The following HOMER1 variants were observed in gnomAD, a reference collection of about 807,000 sequenced individuals.
The protein encoded by HOMER1 is homer scaffold protein 1.
HOMER1 carries 3 observed loss-of-function variants against 48.9 expected under a neutral mutation model. The ratio of observed to expected loss-of-function variants is 0.06; its 90% CI spans 0.03 to 0.16. HOMER1 has a LOEUF of 0.16. HOMER1 is among the 10% of genes least tolerant of loss of function. The pLI is 1.00. For missense variants in HOMER1, 247 were observed against 411.4 expected (o/e 0.60, Z 3.46); for synonymous variants, 134 against 146.4 (o/e 0.92, Z 0.61).
At chr5:79,485,271 G>A (rs1354697728) in intron 1 of HOMER1, among the ~76,000 whole-genome samples, 1 of 152,106 alleles carries the variant, frequency 6.6e-6, no homozygotes, top group African/African-American at 2.4e-5. Flanking sequence ...CCACGCACGG[G>A]GTGATAGAGG....
At chr5:79,378,336 G>C (rs1002697216) in intron 8 of HOMER1, among the ~76,000 whole-genome samples, 15 of 150,986 alleles carry the variant, frequency 9.9e-5, no homozygotes, top group African/African-American at 3.7e-4. Context: ...TGAGTTGCAA[G>C]AGCCTGGGAA....
Position 79,375,863 on chromosome 5 carries a change from T to C in HOMER1, c.*146A>G, listed in dbSNP as rs1012196835. ...TAAAATTTACAGTGAAATATACAAT[T>C]CCAATTTCAAAAGATCCTCCTCCTG... On this transcript the variant is annotated 3_prime_UTR_variant, in exon 9 of 9. Transcript: ENST00000334082. 3.4e-5 allele frequency: 16 copies of C among 470,128 alleles called. No homozygotes were observed. The highest frequency in any genetic ancestry group is 3.2e-4 in the African/African-American group (16 of 49,728). 29.1% of individuals were successfully genotyped at this position (470,128 alleles called of 1,614,324 possible).
chr5:79,441,987 A>G lies in HOMER1; in HGVS notation c.388-2838T>C, dbSNP rs1004074742. On this transcript the variant is annotated intron_variant, in intron 4 of 8. Transcript: ENST00000334082. ...TTTTGGGGTGTGTGTGTGTGTGTGT[A>G]TACCCAAAGCTGATAAGAAAAATGA... 2.7e-5 allele frequency among the ~76,000 whole-genome samples: 4 copies of G among 147,490 alleles called. No individual in the cohort carries two copies. In the South Asian group the frequency reaches 6.6e-4, roughly 24 times the overall value.
Position 79,374,372 on chromosome 5 carries a change from G to A in HOMER1, c.*1637C>T, listed in dbSNP as rs904037829. On this transcript the variant is annotated 3_prime_UTR_variant, in exon 9 of 9. Coordinates refer to ENST00000334082, the MANE Select transcript of HOMER1 (RefSeq NM_004272.5). ...AAACTCACTTAAGAAACTAACTTCA[G>A]AAACAAACCATTTATTTTTCACTCT... 2.0e-5 allele frequency: 3 copies of A among 152,198 alleles called. No homozygotes were observed. Among genetic ancestry groups the A allele is most frequent in the African/African-American group, 7.3e-5 (3 of 41,366 alleles). 9.4% of individuals were successfully genotyped at this position (152,198 alleles called of 1,614,324 possible).
chr5:79,455,389 A>G (rs563619037), intron 2 of HOMER1, among the ~76,000 whole-genome samples: 2 of 152,124 alleles, frequency 1.3e-5, no homozygotes, highest in South Asian at 4.1e-4. Context: ...AGTTTCCCCA[A>G]TGCTGTTCTT....
At chr5:79,384,210 T>G (rs1360636561) in intron 8 of HOMER1, among the ~76,000 whole-genome samples, 1 of 149,170 alleles carries the variant, frequency 6.7e-6, no homozygotes, top group African/African-American at 2.5e-5. Context: ...AAATAAAGGA[T>G]CAATGAAACA....
At chr5:79,498,163 G>A (rs1483086013) in intron 1 of HOMER1, among the ~76,000 whole-genome samples, 2 of 152,176 alleles carry the variant, frequency 1.3e-5, no homozygotes, top group Non-Finnish European at 2.9e-5. Flanking sequence ...CACTTTGGGA[G>A]GCTGAGGAGG....
intron 8 of HOMER1, among the ~76,000 whole-genome samples, chr5:79,381,669 G>A (rs1423696824): frequency 6.6e-6 from 1 of 152,196 alleles, no homozygotes; most frequent in Non-Finnish European, 1.5e-5. Flanking sequence ...CAGATTGCTT[G>A]AGGTTAGGAG....
chr5:79,440,284 A>T (rs1363252223), intron 4 of HOMER1, among the ~76,000 whole-genome samples: 1 of 152,224 alleles, frequency 6.6e-6, no homozygotes, highest in Non-Finnish European at 1.5e-5. Context: ...GCTAGAAAAA[A>T]TATGTAAATA....
rs143819321 is a variant in HOMER1 at position 79,438,910 on chromosome 5, G to T, written c.527+100C>A. 32 of 933,522 alleles carry T rather than the reference G, an allele frequency of 3.4e-5. 1 individual carries two copies. In the African/African-American group the frequency reaches 3.8e-4, roughly 11 times the overall value. The allele number at this position is 933,522 out of a possible 1,614,324, so 57.8% of individuals were successfully genotyped here. On this transcript the variant is annotated intron_variant, in intron 5 of 8. Transcript: ENST00000334082. ...AAAAAAAAAAAGTCAAAGTCAACCTGGAGTTTTCACTCAAAGCTTGTAACT... is the reference window on the plus strand; with the variant it reads ...AAAAAAAAAAAGTCAAAGTCAACCTTGAGTTTTCACTCAAAGCTTGTAACT...
At chr5:79,460,758 G>A (rs1216506339) in intron 1 of HOMER1, among the ~76,000 whole-genome samples, 9 of 152,212 alleles carry the variant, frequency 5.9e-5, no homozygotes, top group Admixed American at 3.3e-4. Flanking sequence ...CAGGAACGCC[G>A]CTAAACATCT....
At chr5:79,425,365 T>C (rs1408780233) in intron 5 of HOMER1, among the ~76,000 whole-genome samples, 4 of 149,428 alleles carry the variant, frequency 2.7e-5, no homozygotes, top group Non-Finnish European at 4.4e-5. Context: ...AAAGGCAAAA[T>C]GTTCAAGCAG....
chr5:79,498,852 T>C (rs1030210262), intron 1 of HOMER1, among the ~76,000 whole-genome samples: 3 of 150,488 alleles, frequency 2.0e-5, no homozygotes, highest in Admixed American at 1.3e-4. Context: ...TTTTTTTTTT[T>C]CAGACAGAGT....
At position 79,512,842 on chromosome 5, in the gene HOMER1, C is replaced by A; in HGVS notation, c.-68G>T. On this transcript the variant is annotated 5_prime_UTR_variant, in exon 1 of 9. Transcript: ENST00000334082. Reference sequence around the variant, plus strand: ...TACGGAATAACTTCCAAAGGAATTTCTCCGTCTGCTATTTCGCAGTTGCTT... The same window carrying A: ...TACGGAATAACTTCCAAAGGAATTTATCCGTCTGCTATTTCGCAGTTGCTT... The A allele has an allele frequency of 1.3e-6, 2 of 1,529,514 alleles. No homozygotes were observed. Among genetic ancestry groups the A allele is most frequent in the South Asian group, 1.1e-5 (1 of 89,032 alleles). The allele number at this position is 1,529,514 out of a possible 1,614,324, so 94.7% of individuals were successfully genotyped here. A position where few individuals can be genotyped will look rare whatever the true frequency, so the allele number is the denominator to read the frequency against.
At chr5:79,379,115 A>ATATATATATATATATATATATATATAT (rs1349080228) in intron 8 of HOMER1, among the ~76,000 whole-genome samples, 7 of 55,620 alleles carry the variant, frequency 1.3e-4, no homozygotes, top group Non-Finnish European at 2.1e-4. Context: ...TATATATATA[A>ATATATATATATATATATATATATATAT]AATATATAAA....
intron 7 of HOMER1, among the ~76,000 whole-genome samples, 177 bp downstream of exon 7, chr5:79,397,349 CA>C (rs1749415339): frequency 6.6e-6 from 1 of 152,024 alleles, no homozygotes; most frequent in South Asian, 2.1e-4. Context: ...TTCATAATAA[CA>C]GAAATAAGGA....
chr5:79,439,983 G>A (rs1459501917), intron 4 of HOMER1, among the ~76,000 whole-genome samples: 1 of 152,014 alleles, frequency 6.6e-6, no homozygotes, highest in Non-Finnish European at 1.5e-5. Context: ...AACTAGGGGA[G>A]GTGCTAAAAC....
intron 5 of HOMER1, among the ~76,000 whole-genome samples, chr5:79,435,766 G>A (rs1404430849): frequency 6.6e-6 from 1 of 151,460 alleles, no homozygotes; most frequent in Non-Finnish European, 1.5e-5. Context: ...GGGAGGCGGA[G>A]CTTGCAGTGA....
chr5:79,492,191 A>G (rs77580337), intron 1 of HOMER1, among the ~76,000 whole-genome samples: 11,997 of 152,200 alleles, frequency 0.079, 1,031 homozygotes, highest in East Asian at 0.23. Flanking sequence ...CTGTCATTTA[A>G]CAAATATTGC....
Sources: allele counts gnomAD v4.1 joint callset (sites outside exome capture counted in the v4.1 genomes callset), GRCh38; gene constraint gnomAD v4.1.1; transcripts MANE v1.5; gene names NCBI Gene and HGNC (gene_info 2026-07-23, HGNC 2026-07-21).